The following LINGO2 variants were observed in gnomAD, a reference collection of about 807,000 sequenced individuals.
LINGO2 encodes leucine rich repeat and Ig domain containing 2.
A neutral mutation model predicts 30.6 loss-of-function variants in LINGO2; 14 were observed. The ratio of observed to expected loss-of-function variants is 0.46; its 90% CI spans 0.30 to 0.72. The LOEUF is 0.72. LINGO2 is among the 30% of genes least tolerant of loss of function. LINGO2 has a pLI of 0.07. For synonymous variants in LINGO2, 317 were observed against 288.5 expected (o/e 1.10, Z -1.00); for missense variants, 729 against 751.7 (o/e 0.97, Z 0.35).
At chr9:28,757,656 C>G in the LINGO2 span, among the ~76,000 whole-genome samples, 2 of 151,938 alleles carry the variant, frequency 1.3e-5, no homozygotes, top group Admixed American at 1.3e-4. Context: ...CATTTTTGTG[C>G]TGCCATCCAG....
intron 4 of LINGO2, among the ~76,000 whole-genome samples, chr9:28,102,507 C>A (rs1281111767): frequency 6.6e-6 from 1 of 151,894 alleles, no homozygotes; most frequent in Non-Finnish European, 1.5e-5. Flanking sequence ...GCAAACGGAT[C>A]AGTAATTTTA....
chr9:28,990,287 C>A, the LINGO2 span, among the ~76,000 whole-genome samples: 1 of 152,210 alleles, frequency 6.6e-6, no homozygotes, highest in African/African-American at 2.4e-5. Context: ...TGCAAGGCAG[C>A]AGCAAGGCTG....
chr9:28,855,645 C>G, the LINGO2 span, among the ~76,000 whole-genome samples: 1 of 151,630 alleles, frequency 6.6e-6, no homozygotes, highest in African/African-American at 2.4e-5. Flanking sequence ...AAGATAGGTG[C>G]CCCAGACATA....
At chr9:29,194,157 A>G in the LINGO2 span, among the ~76,000 whole-genome samples, 1 of 152,184 alleles carries the variant, frequency 6.6e-6, no homozygotes, top group Non-Finnish European at 1.5e-5. Flanking sequence ...CGCATCACTG[A>G]GCCCATGATT....
At chr9:28,568,680 G>A (rs986598652) in intron 1 of LINGO2, among the ~76,000 whole-genome samples, 1 of 147,464 alleles carries the variant, frequency 6.8e-6, no homozygotes, top group Non-Finnish European at 1.5e-5. Context: ...AGGAGAGTGT[G>A]GAAATATATA....
intron 1 of LINGO2, among the ~76,000 whole-genome samples, chr9:28,643,219 C>G (rs1361688636): frequency 6.6e-6 from 1 of 151,838 alleles, no homozygotes; most frequent in Admixed American, 6.6e-5. Flanking sequence ...ACAAAAGACC[C>G]AGAAGAGCCA....
chr9:28,755,598 A>G, the LINGO2 span, among the ~76,000 whole-genome samples: 66 of 152,150 alleles, frequency 4.3e-4, 2 homozygotes, highest in African/African-American at 1.6e-3. Context: ...TAAGAGAGGG[A>G]CATTTTATAG....
At chr9:29,034,404 G>T in the LINGO2 span, among the ~76,000 whole-genome samples, 1 of 151,972 alleles carries the variant, frequency 6.6e-6, no homozygotes, top group Non-Finnish European at 1.5e-5. Flanking sequence ...GCTAGATCAA[G>T]CTTTACACTA....
intron 4 of LINGO2, among the ~76,000 whole-genome samples, chr9:28,146,121 C>A (rs1827805771): frequency 6.6e-6 from 1 of 152,200 alleles, no homozygotes; most frequent in African/African-American, 2.4e-5. Flanking sequence ...TCATTCACAG[C>A]AGAAGCACAC....
chr9:29,193,420 A>T, the LINGO2 span, among the ~76,000 whole-genome samples: 15 of 152,206 alleles, frequency 9.9e-5, no homozygotes, highest in Admixed American at 9.8e-4. Flanking sequence ...CTCTCCAGTC[A>T]TAATGATCCT....
chr9:28,146,084 T>C (rs1261993795), intron 4 of LINGO2, among the ~76,000 whole-genome samples: 1 of 152,202 alleles, frequency 6.6e-6, no homozygotes, highest in African/African-American at 2.4e-5. Flanking sequence ...CAAGAGAAAG[T>C]ATTTTCCCAC....
At chr9:27,957,594 C>T (rs1370905610) in intron 5 of LINGO2, among the ~76,000 whole-genome samples, 1 of 152,138 alleles carries the variant, frequency 6.6e-6, no homozygotes, top group Non-Finnish European at 1.5e-5. Context: ...CACCCGGCCA[C>T]TGTAGCTTTT....
chr9:29,179,019 T>G, the LINGO2 span, among the ~76,000 whole-genome samples: 4 of 151,310 alleles, frequency 2.6e-5, no homozygotes, highest in Non-Finnish European at 5.9e-5. Context: ...GTGGCTAGAC[T>G]CAAAGGGATA....
At chr9:28,591,389 T>C (rs555211084) in intron 1 of LINGO2, among the ~76,000 whole-genome samples, 2 of 152,104 alleles carry the variant, frequency 1.3e-5, no homozygotes, top group Middle Eastern at 3.4e-3. Flanking sequence ...TCTACATTTG[T>C]AGCAGAAAAA....
At chr9:27,985,515 TG>T (rs2118964124) in intron 5 of LINGO2, among the ~76,000 whole-genome samples, 1 of 149,998 alleles carries the variant, frequency 6.7e-6, no homozygotes, top group South Asian at 2.1e-4. Flanking sequence ...ACCAAGTTTC[TG>T]AATCTTTGTT....
At chr9:28,585,133 A>G (rs4879253) in intron 1 of LINGO2, among the ~76,000 whole-genome samples, 6,502 of 152,150 alleles carry the variant, frequency 0.043, 187 homozygotes, top group African/African-American at 0.07. Context: ...AATTCGTTTC[A>G]TGTAAATGAC....
chr9:29,058,974 C>T, the LINGO2 span, among the ~76,000 whole-genome samples: 2 of 151,624 alleles, frequency 1.3e-5, no homozygotes, highest in Non-Finnish European at 2.9e-5. Context: ...AACATGTTGT[C>T]TACAAATAAA....
At chr9:29,118,206 C>A in the LINGO2 span, among the ~76,000 whole-genome samples, 1 of 152,096 alleles carries the variant, frequency 6.6e-6, no homozygotes, top group Non-Finnish European at 1.5e-5. Context: ...GGCTGTTTTG[C>A]ATTCATTCAT....
the LINGO2 span, among the ~76,000 whole-genome samples, chr9:28,891,355 T>G: frequency 6.6e-6 from 1 of 151,984 alleles, no homozygotes; most frequent in African/African-American, 2.4e-5. Flanking sequence ...TTATCATTCT[T>G]ATCAGCATTA....
Sources: gnomAD v4.1 joint callset for allele counts (sites outside exome capture counted in the v4.1 genomes callset) on GRCh38, gnomAD v4.1.1 for gene constraint, MANE v1.5 for transcripts, NCBI Gene and HGNC (gene_info 2026-07-23, HGNC 2026-07-21) for gene names.